Variants in BRSK2 observed in about 807,000 individuals in gnomAD.
BRSK2 encodes the protein serine/threonine-protein kinase BRSK2.
A neutral mutation model predicts 83.3 loss-of-function variants in BRSK2; 19 were observed. The ratio of observed to expected loss-of-function variants is 0.23; its 90% CI spans 0.16 to 0.33. The LOEUF is 0.33. Ranked by LOEUF, BRSK2 falls within the 10% of genes least tolerant of loss-of-function variation. BRSK2 has a pLI of 1.00. For synonymous variants in BRSK2, 519 were observed against 435.4 expected, an observed-to-expected ratio of 1.19 and a Z score of -2.39; for missense variants, 798 against 1,042.3, an observed-to-expected ratio of 0.77 and a Z score of 3.23.
At position 1,450,710 on chromosome 11, in the gene BRSK2, G is replaced by A. The variant is rs374666145; in HGVS notation, c.1411G>A (p.Gly471Arg). Reference sequence around the variant, plus strand: ...CACGCCCCCGTCCAGCCCCAGCGTCGGAGGGGTGCCCTGGAGGGCGCGGCT... The same window carrying A: ...CACGCCCCCGTCCAGCCCCAGCGTCAGAGGGGTGCCCTGGAGGGCGCGGCT... ...NPTPPSSPSV[G>R]GVPWRARLNS... Residue 471 changes from glycine to arginine, a missense_variant, in exon 14 of 20, where the codon GGA becomes AGA. Around this residue, in one of 6 missense-constraint regions of BRSK2, gnomAD observed 455 missense variants for 455.2 expected, o/e 1.00. Coordinates refer to ENST00000528841, the MANE Select transcript of BRSK2 (RefSeq NM_001256627.2). 48 of 1,605,782 alleles carry A rather than the reference G, an allele frequency of 3.0e-5. No homozygotes were observed. The highest frequency in any genetic ancestry group is 3.6e-5 in the Non-Finnish European group (42 of 1,177,748).
At chr11:1,394,909 A>G (rs1300559358) in intron 1 of BRSK2, among the ~76,000 whole-genome samples, 1 of 82,426 alleles carries the variant, frequency 1.2e-5, no homozygotes, top group African/African-American at 5.1e-5. Context: ...GAGATGGGCC[A>G]TGGAGATGGG....
At chr11:1,424,363 G>A (rs1297536271) in intron 1 of BRSK2, among the ~76,000 whole-genome samples, 3 of 152,212 alleles carry the variant, frequency 2.0e-5, no homozygotes, top group Non-Finnish European at 4.4e-5. Flanking sequence ...GGGGGCAAAA[G>A]GAAGAAGGAC....
intron 15 of BRSK2, among the ~76,000 whole-genome samples, chr11:1,452,669 G>A (rs1201069237): frequency 6.7e-6 from 1 of 150,002 alleles, no homozygotes; most frequent in Non-Finnish European, 1.5e-5. Flanking sequence ...GCCTCCTACA[G>A]CTCCACCCAA....
chr11:1,456,312 C>T (rs1409540896), intron 16 of BRSK2, 36 bp from the exon 17 acceptor site: 2 of 1,516,550 alleles, frequency 1.3e-6, no homozygotes, highest in Non-Finnish European at 1.8e-6. Context: ...TGGGACCTGC[C>T]AGGCCAGCCA....
intron 1 of BRSK2, among the ~76,000 whole-genome samples, chr11:1,408,748 C>T (rs538994949): frequency 4.1e-5 from 6 of 146,556 alleles, no homozygotes; most frequent in South Asian, 4.5e-4. Flanking sequence ...TGTGTGTGCA[C>T]GTCTGCCTGT....
Position 1,423,927 on chromosome 11 carries a change from G to A in BRSK2, c.92-12113G>A, listed in dbSNP as rs1344488966. Reference sequence around the variant, plus strand: ...TCACGTGGCGCCCCCATCCCACCCCGTGTGTCCCCAGCCACACTTTCCTCG... The same window carrying A: ...TCACGTGGCGCCCCCATCCCACCCCATGTGTCCCCAGCCACACTTTCCTCG... On this transcript the variant is annotated intron_variant, in intron 1 of 19. Coordinates refer to ENST00000528841, the MANE Select transcript of BRSK2 (RefSeq NM_001256627.2). This position sits in a 1 kb window ranked among gnomAD's most constrained non-coding sequence, Gnocchi z 6.5. 5.6e-5 allele frequency among the ~76,000 whole-genome samples: 8 copies of A among 142,420 alleles called. No homozygotes were observed. The highest frequency in any genetic ancestry group is 7.9e-5 in the African/African-American group (3 of 38,090). 93.4% of individuals were successfully genotyped at this position (142,420 alleles called of 152,430 possible).
In BRSK2 at chr11:1,445,793, A is replaced by G; in HGVS notation, c.1112A>G (p.Asn371Ser). Reference sequence around the variant, plus strand: ...AAGCGTGTGGACTCCCCGATGCTGAACCGGCACGGCAAGCGGCGGCCAGAA... The same window carrying G: ...AAGCGTGTGGACTCCCCGATGCTGAGCCGGCACGGCAAGCGGCGGCCAGAA... ...PRKRVDSPMLNRHGKRRPERK... is the reference protein window; with the variant it reads ...PRKRVDSPMLSRHGKRRPERK... The change falls in exon 12 of 20, where the codon AAC (asparagine) becomes AGC (serine). Residue 371 changes from asparagine (N) to serine (S), a missense_variant. Asn to Ser is a conservative substitution (Grantham distance 46, BLOSUM62 1). Around this residue, in one of 6 missense-constraint regions of BRSK2, gnomAD observed 145 missense variants for 225.4 expected, o/e 0.64. Coordinates refer to ENST00000528841, the MANE Select transcript of BRSK2 (RefSeq NM_001256627.2). 6.2e-7 allele frequency: 1 copy of G among 1,612,344 alleles called. No homozygotes were observed. Among genetic ancestry groups the G allele is most frequent in the Non-Finnish European group, 8.5e-7 (1 of 1,179,646 alleles).
At chr11:1,440,333 C>T (rs923863946) in intron 3 of BRSK2, among the ~76,000 whole-genome samples, 1 of 152,156 alleles carries the variant, frequency 6.6e-6, no homozygotes, top group East Asian at 1.9e-4. Context: ...CCCAGACAGT[C>T]CCTGGGCCCC....
chr11:1,422,106 G>A (rs1464193885), intron 1 of BRSK2, among the ~76,000 whole-genome samples: 1 of 152,148 alleles, frequency 6.6e-6, no homozygotes. Flanking sequence ...AGAGCCAACT[G>A]TGTGTCGGGT....
intron 5 of BRSK2, 61 bp from the exon 6 acceptor site, chr11:1,443,045 C>T (rs1056943700): frequency 5.3e-6 from 8 of 1,511,880 alleles, no homozygotes; most frequent in African/African-American, 4.1e-5. Flanking sequence ...GCACCATCAC[C>T]CTGGGGGGAG....
intron 1 of BRSK2, among the ~76,000 whole-genome samples, chr11:1,426,222 A>T (rs1849197521): frequency 1.1e-5 from 1 of 91,976 alleles, no homozygotes; most frequent in African/African-American, 4.8e-5. Context: ...GGCACTGGGG[A>T]TGTGTGTGGG....
chr11:1,436,858 C>A (rs573405001), intron 2 of BRSK2, among the ~76,000 whole-genome samples: 2 of 152,224 alleles, frequency 1.3e-5, no homozygotes, highest in South Asian at 4.1e-4. Context: ...GGGGACGAGG[C>A]CAGTGGGAGT....
chr11:1,454,648 C>G lies in BRSK2; in HGVS notation c.1668+40C>G. On this transcript the variant is annotated intron_variant, in intron 16 of 19. Transcript: ENST00000528841. The surrounding 1 kb of genome is among the most constrained non-coding windows in gnomAD (Gnocchi z 5.2). ...CGCTGGGGGAGGCGGGCAGCCCTCCCAACCCCACACGGCCCAGCCCCGAGA... is the reference window on the plus strand; with the variant it reads ...CGCTGGGGGAGGCGGGCAGCCCTCCGAACCCCACACGGCCCAGCCCCGAGA... The G allele has an allele frequency of 6.2e-7, 1 of 1,608,586 alleles. No individual in the cohort carries two copies. Among genetic ancestry groups the G allele is most frequent in the Non-Finnish European group, 8.5e-7 (1 of 1,178,486 alleles).
At chr11:1,402,898 T>C (rs781760909) in intron 1 of BRSK2, among the ~76,000 whole-genome samples, 3 of 152,080 alleles carry the variant, frequency 2.0e-5, no homozygotes, top group African/African-American at 4.8e-5. Flanking sequence ...TCGGATCTGC[T>C]TGGAGGTTTG....
At chr11:1,458,173 C>T (rs1038436374) in intron 18 of BRSK2, among the ~76,000 whole-genome samples, 81 of 152,200 alleles carry the variant, frequency 5.3e-4, no homozygotes, top group African/African-American at 1.9e-3. Flanking sequence ...CAGGGTGTCC[C>T]CGCACCTGAG....
rs752637187 is a variant in BRSK2 at position 1,443,492 on chromosome 11, G to T, written c.637G>T (p.Ala213Ser). The change falls in exon 8 of 20, where the codon GCT becomes TCT. Residue 213 changes from alanine (A) to serine (S), a missense_variant. Ala to Ser is a moderately conservative substitution (Grantham distance 99). Transcript: ENST00000528841. The stretch of plus-strand genomic sequence containing the variant: ...CCCCACACCCGGCCGCCCGCAGGGG[G>T]CTCTGCCCTTCGACGATGACAACTT... ...GVILFALLVG[A>S]LPFDDDNLRQ... 6.3e-6 allele frequency: 10 copies of T among 1,595,400 alleles called. No individual in the cohort carries two copies. The East Asian group carries it at 2.0e-4, about 33-fold the overall frequency.
chr11:1,416,616 T>G (rs975162827), intron 1 of BRSK2, among the ~76,000 whole-genome samples: 4 of 152,188 alleles, frequency 2.6e-5, no homozygotes. Flanking sequence ...TTCCTTTGAG[T>G]GCTTAGCAGG....
chr11:1,446,972 C>T (rs916914326), intron 12 of BRSK2, among the ~76,000 whole-genome samples: 17 of 152,144 alleles, frequency 1.1e-4, no homozygotes, highest in Non-Finnish European at 2.2e-4. Flanking sequence ...GGTAGCTTGG[C>T]AGCCATCAGG....
intron 1 of BRSK2, among the ~76,000 whole-genome samples, chr11:1,434,416 G>T (rs1850012044): frequency 6.8e-6 from 1 of 146,692 alleles, no homozygotes; most frequent in Non-Finnish European, 1.5e-5. Flanking sequence ...CGTGTCTGGG[G>T]GCACCTAGGA....
Sources: gnomAD v4.1 joint callset for allele counts (sites outside exome capture counted in the v4.1 genomes callset) on GRCh38, gnomAD v4.1.1 for gene constraint, gnomAD v4.1.1 regional missense constraint, Gnocchi (gnomAD v3.1) non-coding constraint, MANE v1.5 for transcripts, NCBI Gene and HGNC (gene_info 2026-07-23, HGNC 2026-07-21) for gene names.